The following BCAS3 variants were observed in gnomAD, a reference collection of about 807,000 sequenced individuals.
The protein encoded by BCAS3 is BCAS4/BCAS3 fusion.
Under a neutral mutation model 116.1 loss-of-function variants are expected in BCAS3, and 53 were observed. The ratio of observed to expected loss-of-function variants is 0.46; its 90% confidence interval spans 0.37 to 0.57. The LOEUF is 0.57. Among genes scored for constraint, BCAS3 ranks in the 20% least tolerant of loss-of-function variants. The probability of loss-of-function intolerance (pLI) is 0.00; values close to 1 mark genes in which losing one functional copy is unlikely to be tolerated. For synonymous variants in BCAS3, 391 were observed against 408.2 expected (o/e 0.96, Z 0.51); for missense variants, 917 against 1,165.4 (o/e 0.79, Z 3.10).
At chr17:60,891,308 T>C (rs974059855) in intron 10 of BCAS3, among the ~76,000 whole-genome samples, 3 of 152,184 alleles carry the variant, frequency 2.0e-5, no homozygotes, top group African/African-American at 7.2e-5. Context: ...TAGTTACATA[T>C]TGCCTTTGAG....
At chr17:60,880,135 A>C (rs1257827962) in intron 9 of BCAS3, among the ~76,000 whole-genome samples, 1 of 152,210 alleles carries the variant, frequency 6.6e-6, no homozygotes, top group East Asian at 1.9e-4. Flanking sequence ...GGCAGTACTC[A>C]TGAAATTCAT....
chr17:60,808,276 T>C (rs1241610620), intron 7 of BCAS3, among the ~76,000 whole-genome samples, 200 bp downstream of exon 7: 3 of 152,240 alleles, frequency 2.0e-5, no homozygotes, highest in Admixed American at 2.0e-4. Context: ...GACACTGTTC[T>C]AAAGGTGTTG....
At chr17:61,030,050 G>T (rs1479889291) in intron 16 of BCAS3, among the ~76,000 whole-genome samples, 2 of 151,966 alleles carry the variant, frequency 1.3e-5, no homozygotes, top group African/African-American at 4.8e-5. Flanking sequence ...TCTTATGTTA[G>T]AAACTAAGAT....
chr17:60,729,927 G>A (rs1186251767), intron 5 of BCAS3, among the ~76,000 whole-genome samples: 1 of 152,156 alleles, frequency 6.6e-6, no homozygotes, highest in Non-Finnish European at 1.5e-5. Flanking sequence ...ACACCTTCTC[G>A]TCTGCCTCCA....
At chr17:60,707,850 A>G (rs940850904) in intron 4 of BCAS3, among the ~76,000 whole-genome samples, 1 of 152,158 alleles carries the variant, frequency 6.6e-6, no homozygotes, top group African/African-American at 2.4e-5. Context: ...GATAAACCCT[A>G]TATTTTAGTG....
chr17:61,045,526 A>G (rs1259844240), intron 19 of BCAS3, among the ~76,000 whole-genome samples: 3 of 150,244 alleles, frequency 2.0e-5, no homozygotes, highest in Admixed American at 6.7e-5. Context: ...AAAGAAAAAA[A>G]AAAAAAGGCT....
rs909742282 is a variant in BCAS3 at position 61,140,583 on chromosome 17, A to C, written c.2425+56019A>C. ...TCACATAAAAGTTGCTTATCTCTCCACTTTTTTTTTTTTTCTGGAGAAACA... is the reference window on the plus strand; with the variant it reads ...TCACATAAAAGTTGCTTATCTCTCCCCTTTTTTTTTTTTTCTGGAGAAACA... On this transcript the variant is annotated intron_variant, in intron 22 of 23. Coordinates refer to ENST00000407086, the MANE Select transcript of BCAS3 (RefSeq NM_017679.5). This position sits in a 1 kb window ranked among gnomAD's most constrained non-coding sequence, Gnocchi z 4.2. Among the ~76,000 whole-genome samples the C allele has an allele frequency of 5.4e-5, 8 of 149,144 alleles. No homozygotes were observed. Among genetic ancestry groups the C allele is most frequent in the Non-Finnish European group, 7.4e-5 (5 of 67,238 alleles).
At position 61,274,201 on chromosome 17, in the gene BCAS3, C is replaced by T. The variant is rs112037464; in HGVS notation, c.2426-94126C>T. On this transcript the variant is annotated intron_variant, in intron 22 of 23. Transcript: ENST00000407086. ...TTCAGTTCCCACCTATGAGTGAGAA[C>T]ATGCGGTGTTTAGTTTTTTGTCCTT... is the stretch of plus-strand genomic sequence containing the variant. 8.0e-3 allele frequency among the ~76,000 whole-genome samples: 1,192 copies of T among 149,880 alleles called. 14 individuals carry two copies. The highest frequency in any genetic ancestry group is 0.027 in the African/African-American group (1,112 of 40,792).
intron 22 of BCAS3, among the ~76,000 whole-genome samples, chr17:61,148,501 G>T (rs1054280510): frequency 1.1e-4 from 16 of 152,108 alleles, no homozygotes; most frequent in African/African-American, 3.4e-4. Context: ...ATTCCATGTT[G>T]CCAACTGCAG....
In BCAS3 at chr17:61,347,148, C is replaced by T. The variant is rs2057546834; in HGVS notation, c.2426-21179C>T. On this transcript the variant is annotated intron_variant, in intron 22 of 23. Coordinates refer to ENST00000407086, the MANE Select transcript of BCAS3 (RefSeq NM_017679.5). This position sits in a 1 kb window ranked among gnomAD's most constrained non-coding sequence, Gnocchi z 4.3. ...GGAGTGCAGTGGTGCAATCTCAGCT[C>T]ACCGCAACCTCCACCTCCAGGGTTC... Among the ~76,000 whole-genome samples, 1 of 152,142 alleles carries T rather than the reference C, an allele frequency of 6.6e-6. No individual in the cohort carries two copies. The highest frequency in any genetic ancestry group is 1.5e-5 in the Non-Finnish European group (1 of 68,028).
rs1301978395 is a variant in BCAS3, at chr17:61,186,470, G to A, written c.2425+101906G>A. 1.3e-5 allele frequency among the ~76,000 whole-genome samples: 2 copies of A among 152,076 alleles called. No homozygotes were observed. The highest frequency in any genetic ancestry group is 2.4e-5 in the African/African-American group (1 of 41,400). ...GTATACACATGTCAATTTATGCTGC[G>A]TAACTCAGAGCCTGCTTCCACTTTT... On this transcript the variant is annotated intron_variant, in intron 22 of 23. Coordinates refer to ENST00000407086, the MANE Select transcript of BCAS3 (RefSeq NM_017679.5). The surrounding 1 kb of genome is among the most constrained non-coding windows in gnomAD (Gnocchi z 4.9).
At chr17:61,080,839 AT>A (rs372349872) in intron 21 of BCAS3, among the ~76,000 whole-genome samples, 102 of 152,194 alleles carry the variant, frequency 6.7e-4, no homozygotes, top group African/African-American at 1.8e-3. Flanking sequence ...CTTGTTTAGT[AT>A]TTTTTGTTTA....
chr17:60,908,580 C>T (rs1352865717), intron 11 of BCAS3, among the ~76,000 whole-genome samples: 2 of 152,064 alleles, frequency 1.3e-5, no homozygotes, highest in African/African-American at 4.8e-5. Context: ...ATCTGTTGGT[C>T]CTTCAGAGGC....
chr17:60,697,269 A>G lies in BCAS3; in HGVS notation c.214+7508A>G, dbSNP rs570137555. On this transcript the variant is annotated intron_variant, in intron 4 of 23. Transcript: ENST00000407086. The stretch of plus-strand genomic sequence containing the variant: ...GAAAGAAGCAGGTTTGGGAAGAAAG[A>G]TTCAGTTTTGGCTGGGCGTGGTGGC... Among the ~76,000 whole-genome samples the G allele has an allele frequency of 1.6e-3, 225 of 142,664 alleles. 2 individuals carry two copies. Among genetic ancestry groups the G allele is most frequent in the African/African-American group, 5.6e-3 (214 of 38,348 alleles). The allele number at this position is 142,664 out of a possible 152,430, so 93.6% of individuals were successfully genotyped here.
chr17:61,124,897 A>T lies in BCAS3; in HGVS notation c.2425+40333A>T, dbSNP rs2075975883. ...TTAGTAGGCAGATTAACCCTAATGA[A>T]TATTGGCTTCCTGGAAATAGATACA... On this transcript the variant is annotated intron_variant, in intron 22 of 23. Coordinates refer to ENST00000407086, the MANE Select transcript of BCAS3 (RefSeq NM_017679.5). This position sits in a 1 kb window ranked among gnomAD's most constrained non-coding sequence, Gnocchi z 4.6. Among the ~76,000 whole-genome samples, 1 of 152,214 alleles carries T rather than the reference A, an allele frequency of 6.6e-6. No homozygotes were observed. The highest frequency in any genetic ancestry group is 2.4e-5 in the African/African-American group (1 of 41,454).
rs1188401010 is a variant in BCAS3, at chr17:61,145,290, C to G, written c.2425+60726C>G. 3.9e-5 allele frequency among the ~76,000 whole-genome samples: 6 copies of G among 152,218 alleles called. No homozygotes were observed. Among genetic ancestry groups the G allele is most frequent in the African/African-American group, 1.4e-4 (6 of 41,456 alleles). On this transcript the variant is annotated intron_variant, in intron 22 of 23. Transcript: ENST00000407086. The surrounding 1 kb of genome is among the most constrained non-coding windows in gnomAD (Gnocchi z 5.0). ...GTTCTGCAACTCATCACCAGCTATGCAAACTGACAGTTCACATCCTGGGGC... is the reference window on the plus strand; with the variant it reads ...GTTCTGCAACTCATCACCAGCTATGGAAACTGACAGTTCACATCCTGGGGC...
chr17:60,758,738 T>C (rs1319745981), intron 6 of BCAS3, among the ~76,000 whole-genome samples: 1 of 152,172 alleles, frequency 6.6e-6, no homozygotes, highest in Admixed American at 6.5e-5. Flanking sequence ...GTTTTCTACT[T>C]TTTTGATGTG....
At chr17:61,052,462 G>A (rs943476522) in intron 19 of BCAS3, among the ~76,000 whole-genome samples, 7 of 152,130 alleles carry the variant, frequency 4.6e-5, no homozygotes, top group South Asian at 2.1e-4. Flanking sequence ...GCAGCACGAC[G>A]TGTTAGAAGG....
intron 19 of BCAS3, among the ~76,000 whole-genome samples, chr17:61,045,549 T>G (rs1456625824): frequency 6.7e-6 from 1 of 148,746 alleles, no homozygotes; most frequent in Non-Finnish European, 1.5e-5. Context: ...GCGCAGTGGC[T>G]CATGCCTGTA....
Sources: gnomAD v4.1 joint callset for allele counts (sites outside exome capture counted in the v4.1 genomes callset) on GRCh38, gnomAD v4.1.1 for gene constraint, Gnocchi (gnomAD v3.1) non-coding constraint, MANE v1.5 for transcripts, NCBI Gene and HGNC (gene_info 2026-07-23, HGNC 2026-07-21) for gene names.